FXR1: variants seen among roughly 807,000 people sequenced by gnomAD.
FXR1 encodes the protein FMR1 autosomal homolog 1.
In FXR1, 15 loss-of-function variants were observed where a neutral mutation model predicts 84.0. The observed-to-expected ratio is 0.18, with a 90% CI of 0.12 to 0.27. The LOEUF (loss-of-function observed/expected upper bound fraction) is 0.27. Among genes scored for constraint, FXR1 ranks in the 10% least tolerant of loss-of-function variants. The pLI is 1.00. For missense variants in FXR1, 480 were observed against 774.4 expected (o/e 0.62, Z 4.51); for synonymous variants, 245 against 250.7 (o/e 0.98, Z 0.21).
intron 8 of FXR1, among the ~76,000 whole-genome samples, chr3:180,952,575 GA>G (rs397875465): frequency 0.071 from 10,060 of 141,378 alleles, 924 homozygotes; most frequent in African/African-American, 0.22. Context: ...AAGGAGGAGG[GA>G]AAAAAAAAAA....
chr3:180,952,940 C>T (rs1411939134), intron 8 of FXR1, among the ~76,000 whole-genome samples: 1 of 151,562 alleles, frequency 6.6e-6, no homozygotes, highest in South Asian at 2.1e-4. Context: ...TCAAGCCATC[C>T]TCTGGCCTCA....
chr3:180,979,511 TAAG>T lies in FXR1; in HGVS notation c.*3222_*3224del, dbSNP rs1714503115. On this transcript the variant is annotated 3_prime_UTR_variant, in exon 17 of 17. Coordinates refer to ENST00000357559, the MANE Select transcript of FXR1 (RefSeq NM_005087.4). ...ATTTGGATCCCTTACGCTTTTTCGT[TAAG>T]AATATCTGTCTGCTATAGTGAATTT... The T allele has an allele frequency of 6.6e-6, 1 of 152,142 alleles. No individual in the cohort carries two copies. 9.4% of individuals were successfully genotyped at this position (152,142 alleles called of 1,614,324 possible).
At chr3:180,963,419 C>A (rs1712395861) in intron 13 of FXR1, among the ~76,000 whole-genome samples, 1 of 151,984 alleles carries the variant, frequency 6.6e-6, no homozygotes, top group Non-Finnish European at 1.5e-5. Flanking sequence ...TATACATTTC[C>A]CAGTAAATAC....
rs377706871 is a variant in FXR1, at chr3:180,975,328, A to G, written c.1619A>G (p.Tyr540Cys). 6.8e-7 allele frequency: 1 copy of G among 1,477,512 alleles called. No homozygotes were observed. Among genetic ancestry groups the G allele is most frequent in the Non-Finnish European group, 9.3e-7 (1 of 1,079,138 alleles). The allele number at this position is 1,477,512 out of a possible 1,614,324, so 91.5% of individuals were successfully genotyped here. A position where few individuals can be genotyped will look rare whatever the true frequency, so the allele number is the denominator to read the frequency against. Residue 540 changes from tyrosine (Y) to cysteine (C), a missense_variant, in exon 16 of 17, where the codon TAT becomes TGT. By Grantham distance (194) the Tyr-to-Cys change is radical. Transcript: ENST00000357559. ...TCTTTAACAGTCACAGTTGCAGATT[A>G]TATTTCTAGAGCTGAGTCTCAGAGC... The part of the protein sequence containing the change: ...NENGLVTVAD[Y>C]ISRAESQSRQ...
At chr3:180,950,612 A>T (rs1049340009) in intron 7 of FXR1, among the ~76,000 whole-genome samples, 1 of 152,144 alleles carries the variant, frequency 6.6e-6, no homozygotes, top group African/African-American at 2.4e-5. Flanking sequence ...TAAAACTGCA[A>T]ATCTATACCC....
chr3:180,950,891 A>T (rs1722167521), intron 7 of FXR1, among the ~76,000 whole-genome samples: 1 of 152,062 alleles, frequency 6.6e-6, no homozygotes, highest in Non-Finnish European at 1.5e-5. Flanking sequence ...TACTGTCGTA[A>T]ATAATGCTAT....
intron 1 of FXR1, chr3:180,915,578 G>T (rs1407041439): frequency 1.0e-6 from 1 of 981,272 alleles, no homozygotes; most frequent in Non-Finnish European, 1.6e-6. Flanking sequence ...GATGAGAGCT[G>T]TTAACATTTT....
intron 11 of FXR1, 72 bp downstream of exon 11, chr3:180,961,626 C>A: frequency 4.3e-6 from 3 of 700,564 alleles, no homozygotes; most frequent in Admixed American, 2.3e-5. Context: ...ACATTTGCTA[C>A]AAATTTAAAA....
At chr3:180,974,552 T>C (rs1713985852) in intron 15 of FXR1, among the ~76,000 whole-genome samples, 1 of 152,150 alleles carries the variant, frequency 6.6e-6, no homozygotes, top group Non-Finnish European at 1.5e-5. Context: ...AGTAGGGTGT[T>C]AGGTTGGGTT....
rs911605420 is a variant in FXR1, at chr3:180,978,958, T to C, written c.*2666T>C. ...TCTCTGGTAACACTTCAGAAATAAT[T>C]GGCAAAAGTGTAATAGGAATACACA... On this transcript the variant is annotated 3_prime_UTR_variant, in exon 17 of 17. Coordinates refer to ENST00000357559, the MANE Select transcript of FXR1 (RefSeq NM_005087.4). 6.6e-6 allele frequency: 1 copy of C among 152,056 alleles called. No individual in the cohort carries two copies. The highest frequency in any genetic ancestry group is 2.4e-5 in the African/African-American group (1 of 41,408). 9.4% of individuals were successfully genotyped at this position (152,056 alleles called of 1,614,324 possible). A position where few individuals can be genotyped will look rare whatever the true frequency, so the allele number is the denominator to read the frequency against.
In FXR1 at chr3:180,912,756, T is replaced by A. The variant is rs1717365528; in HGVS notation, c.51+20T>A. Reference sequence around the variant, plus strand: ...TACAAGGTACTGACCGTTTTGCCACTTTGTCGAGTGTTCTGGGTGCTGGAG... The same window carrying A: ...TACAAGGTACTGACCGTTTTGCCACATTGTCGAGTGTTCTGGGTGCTGGAG... On this transcript the variant is annotated intron_variant, in intron 1 of 16. Transcript: ENST00000357559. The A allele has an allele frequency of 4.3e-6, 7 of 1,613,910 alleles. No homozygotes were observed. Among genetic ancestry groups the A allele is most frequent in the Non-Finnish European group, 5.9e-6 (7 of 1,179,988 alleles).
chr3:180,916,600 G>A (rs1717922367), intron 1 of FXR1, among the ~76,000 whole-genome samples: 1 of 152,132 alleles, frequency 6.6e-6, no homozygotes, highest in Non-Finnish European at 1.5e-5. Context: ...TAGAGACGGG[G>A]TTTTACTGTG....
intron 10 of FXR1, 51 bp downstream of exon 10, chr3:180,957,979 A>G (rs1711547381): frequency 2.6e-6 from 2 of 780,778 alleles, no homozygotes; most frequent in African/African-American, 1.8e-5. Flanking sequence ...TTTTTTGGCC[A>G]ACTTAATAGT....
rs1720094294 is a variant in FXR1, at chr3:180,932,843, C to G, written c.52-491C>G. On this transcript the variant is annotated intron_variant, in intron 1 of 16. Coordinates refer to ENST00000357559, the MANE Select transcript of FXR1 (RefSeq NM_005087.4). Reference sequence around the variant, plus strand: ...AACAAAATTGGGTTCTTACTTTGTGCCAGGTACTGTGCTAAACATTACTTC... The same window carrying G: ...AACAAAATTGGGTTCTTACTTTGTGGCAGGTACTGTGCTAAACATTACTTC... Among the ~76,000 whole-genome samples, 4 of 152,174 alleles carry G rather than the reference C, an allele frequency of 2.6e-5. No individual in the cohort carries two copies. The South Asian group carries it at 8.3e-4, about 32-fold the overall frequency.
At chr3:180,933,069 T>C (rs556749834) in intron 1 of FXR1, 77 of 398,996 alleles carry the variant, frequency 1.9e-4, no homozygotes, top group African/African-American at 1.5e-3. Flanking sequence ...GCTGAACTAA[T>C]ACCTGAGGTG....
At chr3:180,940,615 T>C (rs941977035) in intron 3 of FXR1, among the ~76,000 whole-genome samples, 3 of 151,710 alleles carry the variant, frequency 2.0e-5, no homozygotes, top group Non-Finnish European at 2.9e-5. Context: ...GTTTCGGTCT[T>C]GTCCAGGCTC....
At chr3:180,944,277 A>G (rs1215105271) in intron 3 of FXR1, among the ~76,000 whole-genome samples, 1 of 152,062 alleles carries the variant, frequency 6.6e-6, no homozygotes, top group African/African-American at 2.4e-5. Flanking sequence ...CGTTTACCAA[A>G]TAATTTTGTA....
intron 1 of FXR1, among the ~76,000 whole-genome samples, chr3:180,919,303 G>C (rs76235192): frequency 1.6e-5 from 1 of 62,512 alleles, no homozygotes. Context: ...TTTTTTTTTT[G>C]AGCCAGAGTC....
In FXR1 at chr3:180,978,288, T is replaced by C. The variant is rs1714415287; in HGVS notation, c.*1996T>C. Reference sequence around the variant, plus strand: ...TTCAATGGGAATGGAAGAAACAAAATCTTAAAAGAGTGAGTATAGCTGAAC... The same window carrying C: ...TTCAATGGGAATGGAAGAAACAAAACCTTAAAAGAGTGAGTATAGCTGAAC... On this transcript the variant is annotated 3_prime_UTR_variant, in exon 17 of 17. Coordinates refer to ENST00000357559, the MANE Select transcript of FXR1 (RefSeq NM_005087.4). 1 of 146,074 alleles carries C rather than the reference T, an allele frequency of 6.8e-6. No individual in the cohort carries two copies. The highest frequency in any genetic ancestry group is 2.0e-4 in the East Asian group (1 of 5,034). The allele number at this position is 146,074 out of a possible 1,614,324, so 9.0% of individuals were successfully genotyped here.
Sources: allele counts gnomAD v4.1 joint callset (sites outside exome capture counted in the v4.1 genomes callset), GRCh38; gene constraint gnomAD v4.1.1; transcripts MANE v1.5; gene names NCBI Gene and HGNC (gene_info 2026-07-23, HGNC 2026-07-21).